Variants in NKAIN3 observed in about 807,000 individuals in gnomAD.
The protein encoded by NKAIN3 is sodium/potassium-transporting ATPase subunit beta-1-interacting protein 3.
Under a neutral mutation model 30.2 loss-of-function variants are expected in NKAIN3, and 25 were observed. The ratio of observed to expected loss-of-function variants is 0.83; its 90% CI spans 0.60 to 1.16. The LOEUF (loss-of-function observed/expected upper bound fraction) is 1.16, where lower values mean the gene tolerates loss of function less well. Among genes scored for constraint, NKAIN3 ranks in the 50% most tolerant of loss-of-function variants. NKAIN3 has a pLI of 0.00. For missense variants in NKAIN3, 225 were observed against 254.1 expected, an observed-to-expected ratio of 0.89 and a Z score of 0.78; for synonymous variants, 91 against 89.6, an observed-to-expected ratio of 1.02 and a Z score of -0.09.
chr8:62,744,911 T>C (rs1816019968), intron 3 of NKAIN3, among the ~76,000 whole-genome samples: 1 of 152,200 alleles, frequency 6.6e-6, no homozygotes, highest in Non-Finnish European at 1.5e-5. Context: ...GCATAACATG[T>C]TTTATTATTG....
At chr8:62,753,201 A>G (rs763175899) in intron 4 of NKAIN3, among the ~76,000 whole-genome samples, 43 of 107,818 alleles carry the variant, frequency 4.0e-4, no homozygotes, top group Middle Eastern at 7.9e-3. Context: ...ACAGATTTAA[A>G]GAGGATGCAC....
At chr8:62,277,120 TGA>T (rs1206088757) in intron 1 of NKAIN3, among the ~76,000 whole-genome samples, 4 of 152,178 alleles carry the variant, frequency 2.6e-5, no homozygotes, top group Non-Finnish European at 4.4e-5. Context: ...AAACTATTTT[TGA>T]AAGTCCAGGG....
chr8:62,438,489 C>T (rs562161788), intron 1 of NKAIN3, among the ~76,000 whole-genome samples: 1 of 152,298 alleles, frequency 6.6e-6, no homozygotes, highest in South Asian at 2.1e-4. Context: ...CTCAGGTTCC[C>T]TACCGTGTTA....
At chr8:62,833,922 C>T (rs879543526) in intron 4 of NKAIN3, among the ~76,000 whole-genome samples, 5 of 151,754 alleles carry the variant, frequency 3.3e-5, no homozygotes, top group Non-Finnish European at 7.4e-5. Context: ...CAGAAAAATA[C>T]TCAACAAAAT....
intron 1 of NKAIN3, among the ~76,000 whole-genome samples, chr8:62,255,238 T>TA (rs918958828): frequency 6.6e-6 from 1 of 151,990 alleles, no homozygotes; most frequent in African/African-American, 2.4e-5. Flanking sequence ...AAAATAAAAA[T>TA]AAAAATCAGA....
At chr8:62,760,161 C>G (rs1022085368) in intron 4 of NKAIN3, among the ~76,000 whole-genome samples, 10 of 152,254 alleles carry the variant, frequency 6.6e-5, no homozygotes, top group African/African-American at 2.4e-4. Context: ...AATAGGAACA[C>G]TTTTACACTG....
At chr8:62,777,918 G>A (rs1817237738) in intron 4 of NKAIN3, among the ~76,000 whole-genome samples, 1 of 152,110 alleles carries the variant, frequency 6.6e-6, no homozygotes, top group Non-Finnish European at 1.5e-5. Flanking sequence ...TCAGCATTAG[G>A]AGACATTCCA....
intron 6 of NKAIN3, among the ~76,000 whole-genome samples, chr8:62,959,433 G>GGGGTGTGTGTGTGTGTGT: frequency 7.0e-6 from 1 of 143,154 alleles, no homozygotes; most frequent in African/African-American, 2.6e-5. Flanking sequence ...GACAAATCAG[G>GGGGTGTGTGTGTGTGTGT]GTGTGTGTGT....
intron 4 of NKAIN3, among the ~76,000 whole-genome samples, chr8:62,837,258 G>C (rs1034419121): frequency 6.6e-6 from 1 of 152,068 alleles, no homozygotes; most frequent in African/African-American, 2.4e-5. Flanking sequence ...GATAGGGAAG[G>C]TAACACTCTC....
downstream of NKAIN3, among the ~76,000 whole-genome samples, chr8:62,989,180 G>T (rs893107380): frequency 6.6e-6 from 1 of 152,084 alleles, no homozygotes; most frequent in African/African-American, 2.4e-5. Flanking sequence ...TTCTTCTTCT[G>T]AGCCTTCCAA....
chr8:62,451,841 T>C (rs1354791164), intron 1 of NKAIN3, among the ~76,000 whole-genome samples: 1 of 152,220 alleles, frequency 6.6e-6, no homozygotes, highest in East Asian at 1.9e-4. Flanking sequence ...GAAATGACCT[T>C]TTATTTGGTA....
chr8:62,898,573 A>G (rs938640079), intron 4 of NKAIN3, among the ~76,000 whole-genome samples: 26 of 152,110 alleles, frequency 1.7e-4, no homozygotes, highest in African/African-American at 6.0e-4. Flanking sequence ...GGAGGGTGGA[A>G]AGAGGATAAG....
chr8:62,331,867 T>C (rs1815370331), intron 1 of NKAIN3, among the ~76,000 whole-genome samples: 1 of 152,128 alleles, frequency 6.6e-6, no homozygotes, highest in South Asian at 2.1e-4. Context: ...GTTTTTTTCA[T>C]GTTTAACTCT....
At chr8:62,936,572 AT>A (rs1022700531) in intron 5 of NKAIN3, among the ~76,000 whole-genome samples, 6 of 152,146 alleles carry the variant, frequency 3.9e-5, no homozygotes, top group African/African-American at 1.4e-4. Context: ...AATCACTACA[AT>A]TTTTAATAAT....
At chr8:62,587,463 A>T (rs1418115274) in intron 2 of NKAIN3, among the ~76,000 whole-genome samples, 1 of 152,032 alleles carries the variant, frequency 6.6e-6, no homozygotes, top group Admixed American at 6.6e-5. Context: ...ATGAATAAAA[A>T]TTTGAGGTAA....
intron 4 of NKAIN3, among the ~76,000 whole-genome samples, chr8:62,900,366 C>G (rs1248668376): frequency 6.6e-6 from 1 of 152,208 alleles, no homozygotes; most frequent in Non-Finnish European, 1.5e-5. Flanking sequence ...AAGAATTACA[C>G]CATCATCCTG....
intron 4 of NKAIN3, among the ~76,000 whole-genome samples, chr8:62,872,467 C>T (rs17273584): frequency 0.23 from 34,814 of 152,200 alleles, 4,896 homozygotes; most frequent in Non-Finnish European, 0.33. Context: ...CAGCTGAGAT[C>T]TCCTCACAGC....
chr8:62,915,007 C>A (rs1052895472), intron 4 of NKAIN3, among the ~76,000 whole-genome samples: 2 of 151,964 alleles, frequency 1.3e-5, no homozygotes, highest in Non-Finnish European at 2.9e-5. Flanking sequence ...TCCATGTGTT[C>A]CCATTGTTCA....
chr8:62,875,897 C>A (rs184460519), intron 4 of NKAIN3, among the ~76,000 whole-genome samples: 1 of 152,186 alleles, frequency 6.6e-6, no homozygotes, highest in East Asian at 1.9e-4. Flanking sequence ...CTAGGCAATA[C>A]CATTCAGGAC....
Sources: allele counts gnomAD v4.1 joint callset (sites outside exome capture counted in the v4.1 genomes callset), GRCh38; gene constraint gnomAD v4.1.1; transcripts MANE v1.5; gene names NCBI Gene and HGNC (gene_info 2026-07-23, HGNC 2026-07-21).